Variants in ANLN observed in about 807,000 individuals in gnomAD.
ANLN encodes the protein anillin, actin binding protein.
Under a neutral mutation model 135.1 loss-of-function variants are expected in ANLN, and 59 were observed. The observed-to-expected ratio is 0.44, with a 90% CI of 0.35 to 0.54. ANLN has a LOEUF of 0.54. Among genes scored for constraint, ANLN ranks in the 20% least tolerant of loss-of-function variants. The pLI, the probability that ANLN is intolerant of heterozygous loss-of-function variation, is 0.00. For synonymous variants in ANLN, 406 were observed against 456.4 expected, an observed-to-expected ratio of 0.89 and a Z score of 1.41; for missense variants, 1,182 against 1,340.0, an observed-to-expected ratio of 0.88 and a Z score of 1.84.
chr7:36,428,776 A>AAAAGCAGAT (rs1554346516), intron 20 of ANLN, among the ~76,000 whole-genome samples: 2 of 114,630 alleles, frequency 1.7e-5, no homozygotes, highest in Non-Finnish European at 3.5e-5. Flanking sequence ...ATAAAAGCAG[A>AAAAGCAGAT]TTTTTTTTTT....
chr7:36,420,845 G>A lies in ANLN; in HGVS notation c.2163+101G>A, dbSNP rs143402619. ...AGCCTTACTTATCTCTGAACCCTGA[G>A]TGGCCAGAATAGTGTCTGATGCATA... On this transcript the variant is annotated intron_variant, in intron 12 of 23. Coordinates refer to ENST00000265748, the MANE Select transcript of ANLN (RefSeq NM_018685.5). The A allele has an allele frequency of 3.0e-3, 3,782 of 1,272,166 alleles. 5 individuals carry two copies. Among genetic ancestry groups the A allele is most frequent in the Non-Finnish European group, 3.9e-3 (3,531 of 905,478 alleles). The allele number at this position is 1,272,166 out of a possible 1,614,324, so 78.8% of individuals were successfully genotyped here. A position where few individuals can be genotyped will look rare whatever the true frequency, so the allele number is the denominator to read the frequency against.
At chr7:36,393,063 G>A (rs1297853004) in intron 1 of ANLN, among the ~76,000 whole-genome samples, 2 of 148,646 alleles carry the variant, frequency 1.3e-5, no homozygotes, top group African/African-American at 2.5e-5. Context: ...TCTCGTTCTC[G>A]CCCAGACTGG....
In ANLN at chr7:36,406,374, A is replaced by G. The variant is rs973406088; in HGVS notation, c.681A>G (p.Gln227=). Residue 227 remains glutamine (Q), a synonymous_variant, in exon 4 of 24, where the codon CAA becomes CAG. Transcript: ENST00000265748. The stretch of plus-strand genomic sequence containing the variant: ...CATTTGCAAAACAAAACAGTGTACA[A>G]GAACAGCCTGGTACCGCTTGTTTAT... ...NHSFAKQNSV[Q]EQPGTACLSK... The G allele has an allele frequency of 1.9e-6, 3 of 1,614,162 alleles. No homozygotes were observed. Among genetic ancestry groups the G allele is most frequent in the Non-Finnish European group, 2.5e-6 (3 of 1,179,960 alleles).
chr7:36,417,709 A>C (rs1583620791), intron 9 of ANLN, among the ~76,000 whole-genome samples: 2 of 117,380 alleles, frequency 1.7e-5, no homozygotes, highest in African/African-American at 3.4e-5. Context: ...AGACAGTCTC[A>C]CTCTGTCGCC....
In ANLN at chr7:36,443,768, A is replaced by T. The variant is rs758705073; in HGVS notation, c.2984A>T (p.Asp995Val). 6.2e-7 allele frequency: 1 copy of T among 1,611,112 alleles called. No homozygotes were observed. Among genetic ancestry groups the T allele is most frequent in the Non-Finnish European group, 8.5e-7 (1 of 1,178,224 alleles). ...EERGFLTIFEDVSGFGAWHRR... is the reference protein window; with the variant it reads ...EERGFLTIFEVVSGFGAWHRR... ...TGACTTTTCCAGACCATATTTGAAGATGTTAGTGGTTTTGGTGCCTGGCAT... is the reference window on the plus strand; with the variant it reads ...TGACTTTTCCAGACCATATTTGAAGTTGTTAGTGGTTTTGGTGCCTGGCAT... The change falls in exon 22 of 24, where the codon GAT (aspartate) becomes GTT (valine). Residue 995 changes from aspartate to valine, a missense_variant. By Grantham distance (152) the Asp-to-Val change is radical. Around this residue, in one of 3 missense-constraint regions of ANLN, gnomAD observed 82 missense variants for 133.3 expected, o/e 0.62. Coordinates refer to ENST00000265748, the MANE Select transcript of ANLN (RefSeq NM_018685.5).
chr7:36,441,987 A>G (rs147268412), intron 21 of ANLN, among the ~76,000 whole-genome samples: 7 of 152,342 alleles, frequency 4.6e-5, no homozygotes, highest in African/African-American at 1.7e-4. Flanking sequence ...GCAGGAGAGC[A>G]TATGGTTGGA....
In ANLN at chr7:36,439,196, CT is replaced by C. The variant is rs370191278; in HGVS notation, c.2884-5del. On this transcript the variant is annotated splice_region_variant and splice_polypyrimidine_tract_variant and intron_variant, in intron 20 of 23. Coordinates refer to ENST00000265748, the MANE Select transcript of ANLN (RefSeq NM_018685.5). The stretch of plus-strand genomic sequence containing the variant: ...GTTTTGCAAATAATTTACCTGTTTT[CT>C]TTGCAGGTCCCCTTTTTATCTTCTT... The C allele has an allele frequency of 2.5e-4, 382 of 1,519,326 alleles. 8 individuals carry two copies. The East Asian group carries it at 5.5e-3, about 22-fold the overall frequency. 94.1% of individuals were successfully genotyped at this position (1,519,326 alleles called of 1,614,324 possible).
intron 1 of ANLN, among the ~76,000 whole-genome samples, chr7:36,391,823 G>T (rs1343342363): frequency 6.6e-6 from 1 of 152,106 alleles, no homozygotes; most frequent in Admixed American, 6.6e-5. Context: ...GCGTATTAGG[G>T]CTTAATTATT....
rs1160525517 is a variant in ANLN, at chr7:36,406,211, C to T, written c.518C>T (p.Pro173Leu). ...DDIPESSLFS[P>L]MPSEEKAASP... ...ATTCCTGAAAGCTCACTCTTCTCAC[C>T]AATGCCATCAGAGGAAAAGGCTGCT... The change falls in exon 4 of 24, where the codon CCA becomes CTA. Residue 173 changes from proline to leucine, a missense_variant. Pro to Leu is a moderately conservative substitution (Grantham distance 98). This residue lies in a region of ANLN where 1,022 missense variants were observed against 1,134.0 expected (regional missense o/e 0.90). Coordinates refer to ENST00000265748, the MANE Select transcript of ANLN (RefSeq NM_018685.5). 1 of 1,609,512 alleles carries T rather than the reference C, an allele frequency of 6.2e-7. No individual in the cohort carries two copies. Among genetic ancestry groups the T allele is most frequent in the Non-Finnish European group, 8.5e-7 (1 of 1,176,442 alleles).
chr7:36,439,217 C>G lies in ANLN; in HGVS notation c.2897C>G (p.Ser966Cys), dbSNP rs201507869. The change falls in exon 21 of 24, where the codon TCT becomes TGT. Residue 966 changes from serine (S) to cysteine (C), a missense_variant. This residue lies in a region of ANLN where 82 missense variants were observed against 133.3 expected (regional missense o/e 0.62). Transcript: ENST00000265748. The part of the protein sequence containing the change: ...KFVLDKVPFL[S>C]SLEGHIYLKI... The stretch of plus-strand genomic sequence containing the variant: ...TTTTCTTTGCAGGTCCCCTTTTTAT[C>G]TTCTTTGGAAGGTCATATTTATTTA... 1 of 1,587,186 alleles carries G rather than the reference C, an allele frequency of 6.3e-7. No individual in the cohort carries two copies. Among genetic ancestry groups the G allele is most frequent in the African/African-American group, 1.4e-5 (1 of 73,878 alleles).
chr7:36,390,046 T>A lies in ANLN; in HGVS notation c.18+2T>A. On this transcript the variant is annotated splice_donor_variant, in intron 1 of 23. Coordinates refer to ENST00000265748, the MANE Select transcript of ANLN (RefSeq NM_018685.5). LOFTEE classifies it high-confidence loss of function. ...GGGGCGATGGATCCGTTTACGGAGG[T>A]GAGTGAGTTTGCGGGTGCAGCCAGC... 6.2e-7 allele frequency: 1 copy of A among 1,613,562 alleles called. No homozygotes were observed. The highest frequency in any genetic ancestry group is 8.5e-7 in the Non-Finnish European group (1 of 1,179,888).
Position 36,396,280 on chromosome 7 carries a change from A to T in ANLN, c.33A>T (p.Arg11=), listed in dbSNP as rs1786691829. 1 of 1,603,918 alleles carries T rather than the reference A, an allele frequency of 6.2e-7. No homozygotes were observed. Among genetic ancestry groups the T allele is most frequent in the African/African-American group, 1.3e-5 (1 of 74,686 alleles). The part of the protein sequence containing the change: MDPFTEKLLE[R]TRARRENLQR... ...TATTTATGTAGAAACTGCTGGAGCG[A>T]ACCCGTGCCAGGCGAGAGAATCTTC... The change falls in exon 2 of 24, where the codon CGA becomes CGT. Residue 11 remains arginine (R), a synonymous_variant. Transcript: ENST00000265748.
Position 36,410,608 on chromosome 7 carries a change from C to A in ANLN, c.1191C>A (p.Thr397=), listed in dbSNP as rs1424735176. ...CAGCTCGTAGCACACCCCACAGAAC[C>A]CCCATTATTACTCCAAATACAAAGG... ...ESPARSTPHR[T]PIITPNTKAI... Residue 397 remains threonine (T), a synonymous_variant, in exon 6 of 24, where the codon ACC becomes ACA. Coordinates refer to ENST00000265748, the MANE Select transcript of ANLN (RefSeq NM_018685.5). The A allele has an allele frequency of 6.2e-7, 1 of 1,614,038 alleles. No homozygotes were observed. Among genetic ancestry groups the A allele is most frequent in the South Asian group, 1.1e-5 (1 of 91,080 alleles).
chr7:36,447,439 T>TTTTG (rs1389018638), intron 22 of ANLN, among the ~76,000 whole-genome samples: 6 of 149,982 alleles, frequency 4.0e-5, no homozygotes, highest in Admixed American at 6.6e-5. Flanking sequence ...TTTTTTTTTT[T>TTTTG]TCTGAGACGG....
chr7:36,452,353 A>G lies in ANLN; in HGVS notation c.3252-124A>G, dbSNP rs1789280388. On this transcript the variant is annotated intron_variant, in intron 23 of 23. Coordinates refer to ENST00000265748, the MANE Select transcript of ANLN (RefSeq NM_018685.5). ...TAAGTGGCTGTGGATTAGCATCCAT[A>G]AAAGGTGGTTAAAGGTAATTCATTT... 12 of 1,234,868 alleles carry G rather than the reference A, an allele frequency of 9.7e-6. No individual in the cohort carries two copies. The East Asian group carries it at 2.6e-4, about 27-fold the overall frequency. 76.5% of individuals were successfully genotyped at this position (1,234,868 alleles called of 1,614,324 possible). A position where few individuals can be genotyped will look rare whatever the true frequency, so the allele number is the denominator to read the frequency against.
chr7:36,399,443 C>A, intron 3 of ANLN, 50 bp downstream of exon 3: 1 of 1,448,866 alleles, frequency 6.9e-7, no homozygotes, highest in South Asian at 1.4e-5. Context: ...CAATAAGATT[C>A]AGTTTGGTAT....
At position 36,406,494 on chromosome 7, in the gene ANLN, C is replaced by T. The variant is rs756461139; in HGVS notation, c.801C>T (p.Ala267=). The T allele has an allele frequency of 1.3e-6, 2 of 1,589,426 alleles. No individual in the cohort carries two copies. Among genetic ancestry groups the T allele is most frequent in the South Asian group, 1.1e-5 (1 of 88,268 alleles). The change falls in exon 4 of 24, where the codon GCC becomes GCT. Residue 267 remains alanine, a synonymous_variant. Transcript: ENST00000265748. ...TCTGTTCCCAAAGGGATGGCGATGC[C>T]TCTTTGAATAAAGCCCTATCCTCAA... is the stretch of plus-strand genomic sequence containing the variant. ...ATFCSQRDGD[A]SLNKALSSSA...
chr7:36,416,911 G>C (rs1214936314), intron 8 of ANLN, among the ~76,000 whole-genome samples, 169 bp from the exon 9 acceptor site: 1 of 151,646 alleles, frequency 6.6e-6, no homozygotes, highest in African/African-American at 2.4e-5. Flanking sequence ...AATGGGTTAA[G>C]AGAGGACAGG....
intron 20 of ANLN, among the ~76,000 whole-genome samples, chr7:36,435,026 T>C (rs28786166): frequency 0.23 from 35,420 of 152,110 alleles, 4,265 homozygotes; most frequent in East Asian, 0.41. Context: ...TTCATTATTA[T>C]GATTGTGGTC....
Sources: gnomAD v4.1 joint callset for allele counts (sites outside exome capture counted in the v4.1 genomes callset) on GRCh38, gnomAD v4.1.1 for gene constraint, gnomAD v4.1.1 regional missense constraint, MANE v1.5 for transcripts, NCBI Gene and HGNC (gene_info 2026-07-23, HGNC 2026-07-21) for gene names.